TBC1D1: variants seen among roughly 807,000 people sequenced by gnomAD.
TBC1D1 encodes TBC1 (tre-2/USP6, BUB2, cdc16) domain family, member 1.
In TBC1D1, 89 loss-of-function variants were observed where a neutral mutation model predicts 125.6. That is an observed-to-expected ratio of 0.71 (90% CI 0.60 to 0.85). The LOEUF (loss-of-function observed/expected upper bound fraction) is 0.85. TBC1D1 is among the 40% of genes least tolerant of loss of function. TBC1D1 has a pLI of 0.00. For missense variants in TBC1D1, 1,377 were observed against 1,469.2 expected (o/e 0.94, Z 1.03); for synonymous variants, 565 against 564.1 (o/e 1.00, Z -0.02).
chr4:38,084,995 A>G (rs1303380947), intron 12 of TBC1D1, among the ~76,000 whole-genome samples: 9 of 152,206 alleles, frequency 5.9e-5, no homozygotes, highest in Non-Finnish European at 1.2e-4. Flanking sequence ...CACTTGAGAG[A>G]GCCAGATACT....
chr4:37,957,851 T>A (rs538023820), intron 2 of TBC1D1, among the ~76,000 whole-genome samples: 14 of 152,228 alleles, frequency 9.2e-5, no homozygotes, highest in African/African-American at 3.4e-4. Flanking sequence ...CTTCTGTCTT[T>A]CCTTCCTTTT....
intron 14 of TBC1D1, 144 bp downstream of exon 16, chr4:38,096,234 A>G (rs1208021113): frequency 3.4e-6 from 2 of 594,370 alleles, no homozygotes; most frequent in African/African-American, 3.7e-5. Context: ...CATATACCTT[A>G]CTTAATAGAC....
chr4:37,944,940 G>A (rs920724630), intron 2 of TBC1D1, among the ~76,000 whole-genome samples: 1 of 152,204 alleles, frequency 6.6e-6, no homozygotes, highest in Non-Finnish European at 1.5e-5. Context: ...GCCGGGAGCT[G>A]TAGACTGGAG....
At chr4:37,893,051 A>G (rs1371968656) in intron 1 of TBC1D1, among the ~76,000 whole-genome samples, 1 of 152,130 alleles carries the variant, frequency 6.6e-6, no homozygotes, top group Non-Finnish European at 1.5e-5. Context: ...GGGAGCCTGA[A>G]TCAAGCAGCA....
Position 38,066,909 on chromosome 4 carries a change from G to T in TBC1D1, c.2050+12571G>T, listed in dbSNP as rs143922357. On this transcript the variant is annotated intron_variant, in intron 12 of 19. Transcript: ENST00000261439. Reference sequence around the variant, plus strand: ...TTTTCTTTTACCCCGATGGAGTCTCGCTCTGTCGCCGGGCTGGAGTGCAGT... The same window carrying T: ...TTTTCTTTTACCCCGATGGAGTCTCTCTCTGTCGCCGGGCTGGAGTGCAGT... Among the ~76,000 whole-genome samples the T allele has an allele frequency of 7.2e-5, 11 of 151,966 alleles. No individual in the cohort carries two copies. The East Asian group carries it at 1.5e-3, about 21-fold the overall frequency.
intron 15 of TBC1D1, chr4:38,110,120 G>A: frequency 6.1e-6 from 5 of 826,212 alleles, no homozygotes; most frequent in Non-Finnish European, 7.3e-6. Flanking sequence ...CTGGCCTCTT[G>A]TAGCAGCTGC....
At chr4:38,084,001 T>C (rs1578614210) in intron 12 of TBC1D1, among the ~76,000 whole-genome samples, 1 of 147,084 alleles carries the variant, frequency 6.8e-6, no homozygotes. Context: ...GCAGTGGCAC[T>C]ATCTTGGCTC....
chr4:38,133,234 C>T lies in TBC1D1; in HGVS notation c.3283C>T (p.Leu1095Phe), dbSNP rs1223201381. 1.2e-6 allele frequency: 2 copies of T among 1,613,854 alleles called. No individual in the cohort carries two copies. The highest frequency in any genetic ancestry group is 8.5e-7 in the Non-Finnish European group (1 of 1,179,946). ...CAACAGCAGCTTACGCAAACAGAAC[C>T]TTGACCTCCTTGAACAGTTGCAGGT... The change falls in exon 19 of 20, where the codon CTT becomes TTT. Residue 1095 changes from leucine (L) to phenylalanine (F), a missense_variant. Around this residue, in one of 3 missense-constraint regions of TBC1D1, gnomAD observed 543 missense variants for 613.5 expected, o/e 0.89. Coordinates refer to ENST00000261439, the MANE Select transcript of TBC1D1 (RefSeq NM_015173.4).
At position 38,066,917 on chromosome 4, in the gene TBC1D1, G is replaced by C. The variant is rs554827985; in HGVS notation, c.2050+12579G>C. On this transcript the variant is annotated intron_variant, in intron 12 of 19. Transcript: ENST00000261439. ...TACCCCGATGGAGTCTCGCTCTGTCGCCGGGCTGGAGTGCAGTGGTGCAAT... is the reference window on the plus strand; with the variant it reads ...TACCCCGATGGAGTCTCGCTCTGTCCCCGGGCTGGAGTGCAGTGGTGCAAT... Among the ~76,000 whole-genome samples, 4 of 151,848 alleles carry C rather than the reference G, an allele frequency of 2.6e-5. No homozygotes were observed. In the South Asian group the frequency reaches 8.3e-4, roughly 32 times the overall value.
At chr4:38,009,918 G>A (rs946203425) in intron 2 of TBC1D1, among the ~76,000 whole-genome samples, 2 of 152,120 alleles carry the variant, frequency 1.3e-5, no homozygotes, top group Non-Finnish European at 2.9e-5. Flanking sequence ...GTTCTTGTTT[G>A]TGCTATAGTT....
At chr4:37,986,599 C>T (rs941728272) in intron 2 of TBC1D1, among the ~76,000 whole-genome samples, 3 of 152,116 alleles carry the variant, frequency 2.0e-5, no homozygotes, top group South Asian at 2.1e-4. Flanking sequence ...GTGCCCGCCA[C>T]CGTGCCTGGC....
chr4:37,943,316 G>A (rs1487125339), intron 2 of TBC1D1, among the ~76,000 whole-genome samples: 1 of 152,078 alleles, frequency 6.6e-6, no homozygotes, highest in Non-Finnish European at 1.5e-5. Flanking sequence ...TATGTGTCTT[G>A]GAGTTACTCT....
chr4:38,090,614 G>T (rs1758267532), intron 13 of TBC1D1, among the ~76,000 whole-genome samples: 1 of 152,168 alleles, frequency 6.6e-6, no homozygotes, highest in African/African-American at 2.4e-5. Context: ...TATCAATAGT[G>T]TCAAAATATG....
chr4:38,051,940 G>T (rs1750635642), intron 11 of TBC1D1: 1 of 1,550,582 alleles, frequency 6.4e-7, no homozygotes, highest in Non-Finnish European at 8.7e-7. Flanking sequence ...CACCGCCCAG[G>T]TCAGTCTTCA....
At position 38,090,122 on chromosome 4, in the gene TBC1D1, G is replaced by T; in HGVS notation, c.2236+5G>T. On this transcript the variant is annotated splice_donor_5th_base_variant and intron_variant, in intron 13 of 19. Coordinates refer to ENST00000261439, the MANE Select transcript of TBC1D1 (RefSeq NM_015173.4). ...AGGAAAATCAGAAGCTCCAAGGTTG[G>T]TTTGCCATCTTGATATTGAACAGGC... The T allele has an allele frequency of 1.2e-6, 2 of 1,613,874 alleles. No homozygotes were observed. Among genetic ancestry groups the T allele is most frequent in the Middle Eastern group, 1.6e-4 (1 of 6,062 alleles).
chr4:38,020,579 TC>T lies in TBC1D1; in HGVS notation c.973-9del. ...GGATACAACTGAACATCTCGTTCTCTCCCTTTGGCAGGGCATCAGACACGTG... is the reference window on the plus strand; with the variant it reads ...GGATACAACTGAACATCTCGTTCTCTCCTTTGGCAGGGCATCAGACACGTG... On this transcript the variant is annotated splice_polypyrimidine_tract_variant and intron_variant, in intron 4 of 19. Coordinates refer to ENST00000261439, the MANE Select transcript of TBC1D1 (RefSeq NM_015173.4). 6.2e-7 allele frequency: 1 copy of T among 1,610,496 alleles called. No individual in the cohort carries two copies. The highest frequency in any genetic ancestry group is 8.5e-7 in the Non-Finnish European group (1 of 1,177,388).
In TBC1D1 at chr4:38,053,236, A is replaced by T. The variant is rs1242425103; in HGVS notation, c.1911-963A>T. 6.7e-7 allele frequency: 1 copy of T among 1,493,490 alleles called. No individual in the cohort carries two copies. Among genetic ancestry groups the T allele is most frequent in the Non-Finnish European group, 8.9e-7 (1 of 1,123,580 alleles). 92.5% of individuals were successfully genotyped at this position (1,493,490 alleles called of 1,614,324 possible). A position where few individuals can be genotyped will look rare whatever the true frequency, so the allele number is the denominator to read the frequency against. ...TATGAACACAAAAAGGTAGGGCTTAATTTAGATATATCAAGCCTGGGTGTT... is the reference window on the plus strand; with the variant it reads ...TATGAACACAAAAAGGTAGGGCTTATTTTAGATATATCAAGCCTGGGTGTT... On this transcript the variant is annotated intron_variant, in intron 11 of 19. Coordinates refer to ENST00000261439, the MANE Select transcript of TBC1D1 (RefSeq NM_015173.4).
chr4:37,943,768 C>T (rs577771657), intron 2 of TBC1D1, among the ~76,000 whole-genome samples: 145 of 152,268 alleles, frequency 9.5e-4, no homozygotes, highest in Non-Finnish European at 1.8e-3. Context: ...AGCTTCTTTG[C>T]GATGGGTTCA....
At chr4:38,030,888 G>T (rs934399925) in intron 7 of TBC1D1, among the ~76,000 whole-genome samples, 1 of 149,424 alleles carries the variant, frequency 6.7e-6, no homozygotes, top group Admixed American at 6.6e-5. Flanking sequence ...ATCAAAAAAT[G>T]GAACTCTAAC....
Sources: allele counts gnomAD v4.1 joint callset (sites outside exome capture counted in the v4.1 genomes callset), GRCh38; gene constraint gnomAD v4.1.1; regional missense constraint gnomAD v4.1.1; transcripts MANE v1.5; gene names NCBI Gene and HGNC (gene_info 2026-07-23, HGNC 2026-07-21).